Variants in RNF13 observed in about 807,000 individuals in gnomAD.
RNF13 encodes ring finger protein 13.
A neutral mutation model predicts 37.7 loss-of-function variants in RNF13; 19 were observed. That is an observed-to-expected ratio of 0.50 (90% CI 0.35 to 0.74). The LOEUF is 0.74. RNF13 is among the 30% of genes least tolerant of loss of function. RNF13 has a pLI of 0.01. For synonymous variants in RNF13, 144 were observed against 157.8 expected, an observed-to-expected ratio of 0.91 and a Z score of 0.65; for missense variants, 375 against 453.0, an observed-to-expected ratio of 0.83 and a Z score of 1.56.
At chr3:149,916,588 TATC>T (rs1717537623) in intron 7 of RNF13, among the ~76,000 whole-genome samples, 1 of 152,186 alleles carries the variant, frequency 6.6e-6, no homozygotes, top group South Asian at 2.1e-4. Context: ...TTTTTGTTCT[TATC>T]ATTTTCTTTC....
chr3:149,911,605 G>A (rs1246780782), intron 6 of RNF13, among the ~76,000 whole-genome samples: 2 of 151,988 alleles, frequency 1.3e-5, no homozygotes, highest in Non-Finnish European at 2.9e-5. Context: ...GTTGCAGTGA[G>A]CTGAGATTGC....
intron 7 of RNF13, among the ~76,000 whole-genome samples, chr3:149,913,319 A>G (rs1462710072): frequency 1.3e-5 from 2 of 152,156 alleles, no homozygotes; most frequent in East Asian, 3.9e-4. Flanking sequence ...CTTATAATTG[A>G]GTATTAGAGC....
chr3:149,929,480 T>C (rs1718967054), intron 8 of RNF13, among the ~76,000 whole-genome samples: 1 of 152,210 alleles, frequency 6.6e-6, no homozygotes, highest in African/African-American at 2.4e-5. Flanking sequence ...ACAGATCATG[T>C]CATCTGTGAA....
intron 4 of RNF13, among the ~76,000 whole-genome samples, chr3:149,884,097 A>G (rs1713737473): frequency 6.6e-6 from 1 of 152,062 alleles, no homozygotes; most frequent in Non-Finnish European, 1.5e-5. Context: ...TATCTAGTCT[A>G]TGATTGATGG....
intron 5 of RNF13, among the ~76,000 whole-genome samples, chr3:149,901,828 A>G (rs1042742435): frequency 1.3e-5 from 2 of 152,210 alleles, no homozygotes; most frequent in South Asian, 2.1e-4. Context: ...TTACATCTCA[A>G]TCTTATAGAC....
At chr3:149,941,396 C>T (rs1024018350) in intron 8 of RNF13, among the ~76,000 whole-genome samples, 9 of 151,928 alleles carry the variant, frequency 5.9e-5, no homozygotes, top group African/African-American at 2.2e-4. Context: ...GAGTATGAGT[C>T]GATATCTCAT....
chr3:149,942,073 ATC>A (rs952948789), intron 8 of RNF13, among the ~76,000 whole-genome samples: 9 of 152,008 alleles, frequency 5.9e-5, no homozygotes, highest in South Asian at 2.1e-4. Context: ...GTGTATATAT[ATC>A]TGTCTTTATT....
intron 1 of RNF13, among the ~76,000 whole-genome samples, chr3:149,832,807 A>G (rs1035723986): frequency 3.3e-5 from 5 of 152,176 alleles, no homozygotes; most frequent in Non-Finnish European, 7.4e-5. Context: ...ACCTGGAAAG[A>G]CACAACCTCC....
intron 1 of RNF13, among the ~76,000 whole-genome samples, chr3:149,838,757 AT>A (rs1327152435): frequency 1.3e-5 from 2 of 151,558 alleles, no homozygotes; most frequent in Non-Finnish European, 2.9e-5. Flanking sequence ...CATTTTCCCT[AT>A]TTTCTTGGCA....
intron 8 of RNF13, among the ~76,000 whole-genome samples, chr3:149,926,306 A>G (rs1718644578): frequency 1.3e-5 from 2 of 151,980 alleles, no homozygotes; most frequent in African/African-American, 4.8e-5. Context: ...CCGCCTCCCG[A>G]GTTCACACTA....
chr3:149,909,774 A>G (rs1019904837), intron 6 of RNF13, among the ~76,000 whole-genome samples: 1 of 152,046 alleles, frequency 6.6e-6, no homozygotes, highest in African/African-American at 2.4e-5. Flanking sequence ...TGCCGTTACA[A>G]ACACACACGA....
chr3:149,817,317 A>C (rs991959420), intron 1 of RNF13: 2 of 152,162 alleles, frequency 1.3e-5, no homozygotes, highest in Non-Finnish European at 2.9e-5. Flanking sequence ...CTGGGAGATC[A>C]GGAGGTAAGG....
At chr3:149,903,805 TC>T (rs1716095310) in intron 6 of RNF13, among the ~76,000 whole-genome samples, 1 of 152,200 alleles carries the variant, frequency 6.6e-6, no homozygotes, top group Non-Finnish European at 1.5e-5. Context: ...TCATGTCAGT[TC>T]ACTTCAAGTT....
intron 8 of RNF13, among the ~76,000 whole-genome samples, chr3:149,953,174 C>T (rs1721506857): frequency 6.6e-6 from 1 of 151,804 alleles, no homozygotes; most frequent in Non-Finnish European, 1.5e-5. Context: ...ATATCAATTC[C>T]TAGACTTGGG....
intron 8 of RNF13, among the ~76,000 whole-genome samples, chr3:149,955,549 T>G (rs1159895573): frequency 6.6e-6 from 1 of 152,136 alleles, no homozygotes; most frequent in Non-Finnish European, 1.5e-5. Context: ...AAAAAGCTGC[T>G]ATTCATACCA....
rs192453169 is a variant in RNF13, at chr3:149,957,397, G to A, written c.701-2659G>A. ...GGGGATGGGTTGAGGGGAGCAACTA[G>A]CTTTTTTTTTAAAGTATTTCTAATG... On this transcript the variant is annotated intron_variant, in intron 8 of 9. Coordinates refer to ENST00000392894, the MANE Select transcript of RNF13 (RefSeq NM_183381.3). Among the ~76,000 whole-genome samples the A allele has an allele frequency of 2.7e-3, 354 of 130,344 alleles. 5 individuals carry two copies. Among genetic ancestry groups the A allele is most frequent in the African/African-American group, 8.1e-3 (326 of 40,380 alleles). 85.5% of individuals were successfully genotyped at this position (130,344 alleles called of 152,430 possible).
At chr3:149,848,989 T>A (rs1722897441) in intron 2 of RNF13, among the ~76,000 whole-genome samples, 1 of 152,196 alleles carries the variant, frequency 6.6e-6, no homozygotes, top group Admixed American at 6.5e-5. Flanking sequence ...TTGAAGTAAT[T>A]AAAAGCCTTC....
At chr3:149,918,721 G>C (rs1394455367) in intron 7 of RNF13, among the ~76,000 whole-genome samples, 6 of 150,518 alleles carry the variant, frequency 4.0e-5, no homozygotes, top group African/African-American at 7.3e-5. Flanking sequence ...TAGAGATGGG[G>C]CCTCTCTGTG....
At chr3:149,942,240 C>T (rs1235672732) in intron 8 of RNF13, among the ~76,000 whole-genome samples, 1 of 152,020 alleles carries the variant, frequency 6.6e-6, no homozygotes, top group Non-Finnish European at 1.5e-5. Context: ...CAAAAAATGT[C>T]ATTGGTATTT....
Sources: gnomAD v4.1 joint callset for allele counts (sites outside exome capture counted in the v4.1 genomes callset) on GRCh38, gnomAD v4.1.1 for gene constraint, MANE v1.5 for transcripts, NCBI Gene and HGNC (gene_info 2026-07-23, HGNC 2026-07-21) for gene names.